The following SLC10A7 variants were observed in gnomAD, a reference collection of about 807,000 sequenced individuals.
SLC10A7 encodes solute carrier family 10 member 7.
A neutral mutation model predicts 43.2 loss-of-function variants in SLC10A7; 29 were observed. The observed-to-expected ratio is 0.67, with a 90% CI of 0.50 to 0.92. The LOEUF (loss-of-function observed/expected upper bound fraction) is 0.92. Among genes scored for constraint, SLC10A7 ranks in the 40% least tolerant of loss-of-function variants. SLC10A7 has a pLI of 0.00. For missense variants in SLC10A7, 295 were observed against 403.2 expected, an observed-to-expected ratio of 0.73 and a Z score of 2.30; for synonymous variants, 152 against 144.8, an observed-to-expected ratio of 1.05 and a Z score of -0.35.
At chr4:146,285,133 G>T (rs1729807224) in intron 9 of SLC10A7, among the ~76,000 whole-genome samples, 1 of 152,170 alleles carries the variant, frequency 6.6e-6, no homozygotes, top group Non-Finnish European at 1.5e-5. Flanking sequence ...TGACTTGTGT[G>T]CAGGGACACT....
chr4:146,320,358 G>A (rs776668136), intron 6 of SLC10A7, among the ~76,000 whole-genome samples: 43 of 152,094 alleles, frequency 2.8e-4, no homozygotes, highest in Middle Eastern at 3.4e-3. Context: ...ATGGACCCAT[G>A]AGGCCTAGGC....
chr4:146,351,389 G>A (rs1254676539), intron 5 of SLC10A7, among the ~76,000 whole-genome samples: 1 of 152,104 alleles, frequency 6.6e-6, no homozygotes, highest in Non-Finnish European at 1.5e-5. Flanking sequence ...ATGTGAAAAG[G>A]TACACCAATC....
chr4:146,351,776 A>G (rs1165742916), intron 5 of SLC10A7, among the ~76,000 whole-genome samples: 3 of 137,108 alleles, frequency 2.2e-5, no homozygotes, highest in African/African-American at 8.7e-5. Flanking sequence ...TTTCATATCC[A>G]GCCAAACTAA....
intron 9 of SLC10A7, among the ~76,000 whole-genome samples, chr4:146,289,088 G>A (rs991998177): frequency 6.6e-6 from 1 of 152,184 alleles, no homozygotes; most frequent in African/African-American, 2.4e-5. Context: ...CCTCTTCTTT[G>A]TTAACCTCTG....
intron 5 of SLC10A7, among the ~76,000 whole-genome samples, chr4:146,331,129 T>C (rs1030355040): frequency 6.6e-6 from 1 of 152,116 alleles, no homozygotes; most frequent in Non-Finnish European, 1.5e-5. Context: ...CTGTTCCTCT[T>C]AGGGCAGGGT....
chr4:146,270,882 C>A (rs1728852272), intron 10 of SLC10A7, among the ~76,000 whole-genome samples: 1 of 152,170 alleles, frequency 6.6e-6, no homozygotes, highest in Non-Finnish European at 1.5e-5. Flanking sequence ...TGGGCGGTAC[C>A]AAATAACTGC....
intron 5 of SLC10A7, among the ~76,000 whole-genome samples, chr4:146,390,673 T>C (rs916342845): frequency 1.3e-5 from 2 of 152,094 alleles, no homozygotes; most frequent in Non-Finnish European, 2.9e-5. Context: ...AATATGGTTA[T>C]TTCAATCAGA....
At chr4:146,468,887 T>C (rs1190289135) in intron 4 of SLC10A7, among the ~76,000 whole-genome samples, 1 of 152,058 alleles carries the variant, frequency 6.6e-6, no homozygotes, top group Non-Finnish European at 1.5e-5. Context: ...CTTCAGAAAA[T>C]ATTCAATAAC....
At chr4:146,514,371 C>G (rs1286219203) in intron 2 of SLC10A7, 3 of 152,158 alleles carry the variant, frequency 2.0e-5, no homozygotes, top group Non-Finnish European at 4.4e-5. Flanking sequence ...TTCGCCCTGC[C>G]ACAGTCGGCT....
chr4:146,319,571 A>G (rs1483986748), intron 6 of SLC10A7, among the ~76,000 whole-genome samples: 1 of 152,088 alleles, frequency 6.6e-6, no homozygotes, highest in Non-Finnish European at 1.5e-5. Flanking sequence ...GAGCAAAGAC[A>G]CATCTGTTTT....
intron 9 of SLC10A7, among the ~76,000 whole-genome samples, chr4:146,286,507 TGTGTTTG>T (rs1729963132): frequency 6.7e-6 from 1 of 149,142 alleles, no homozygotes; most frequent in Non-Finnish European, 1.5e-5. Context: ...TGAGAAGGAC[TGTGTTTG>T]GAGTGGTGAG....
intron 5 of SLC10A7, among the ~76,000 whole-genome samples, chr4:146,337,192 A>G (rs1733948416): frequency 6.6e-6 from 1 of 152,108 alleles, no homozygotes; most frequent in South Asian, 2.1e-4. Context: ...GCTTATTTGC[A>G]GAGTATATAT....
At chr4:146,327,346 G>C (rs1197695647) in intron 5 of SLC10A7, among the ~76,000 whole-genome samples, 1 of 152,106 alleles carries the variant, frequency 6.6e-6, no homozygotes, top group African/African-American at 2.4e-5. Context: ...ATTAAAACAG[G>C]TATTGTGGCC....
intron 6 of SLC10A7, among the ~76,000 whole-genome samples, chr4:146,308,030 T>C (rs1731710792): frequency 6.6e-6 from 1 of 152,164 alleles, no homozygotes; most frequent in South Asian, 2.1e-4. Context: ...AGGCTATGTG[T>C]TGAGGAGGTT....
intron 10 of SLC10A7, among the ~76,000 whole-genome samples, chr4:146,274,458 C>T (rs1338143823): frequency 3.3e-5 from 5 of 152,040 alleles, no homozygotes; most frequent in Admixed American, 2.6e-4. Flanking sequence ...CCAGCCTCCG[C>T]CCCCCAAAGT....
intron 6 of SLC10A7, among the ~76,000 whole-genome samples, chr4:146,320,413 T>C (rs112679925): frequency 4.0e-5 from 6 of 151,838 alleles, no homozygotes; most frequent in African/African-American, 1.4e-4. Context: ...GTAGGGTGGG[T>C]ATAGTTAGAT....
At chr4:146,301,238 AG>A (rs1210681566) in intron 7 of SLC10A7, among the ~76,000 whole-genome samples, 2 of 152,202 alleles carry the variant, frequency 1.3e-5, no homozygotes, top group African/African-American at 4.8e-5. Flanking sequence ...GTCACATTAG[AG>A]GGCACCTCTG....
In SLC10A7 at chr4:146,390,885, T is replaced by C. The variant is rs573332432; in HGVS notation, c.435+51898A>G. On this transcript the variant is annotated intron_variant, in intron 5 of 11. Transcript: ENST00000335472. ...AAAAGTTAAAACAAAAAAAAAATGG[T>C]TGTAAAGGTGGGAAATACGGAAGCA... 2.4e-4 allele frequency among the ~76,000 whole-genome samples: 37 copies of C among 151,164 alleles called. No individual in the cohort carries two copies. In the East Asian group the frequency reaches 7.2e-3, roughly 29 times the overall value.
intron 4 of SLC10A7, among the ~76,000 whole-genome samples, chr4:146,446,575 CAA>C (rs11300760): frequency 0.011 from 1,447 of 128,038 alleles, 7 homozygotes; most frequent in African/African-American, 0.02. Context: ...GACCCTGTCT[CAA>C]AAAAAAAAAA....
Sources: allele counts gnomAD v4.1 joint callset (sites outside exome capture counted in the v4.1 genomes callset), GRCh38; gene constraint gnomAD v4.1.1; transcripts MANE v1.5; gene names NCBI Gene and HGNC (gene_info 2026-07-23, HGNC 2026-07-21).